Variants in RFC3 observed in about 807,000 individuals in gnomAD.
RFC3 encodes the protein replication factor C subunit 3.
A neutral mutation model predicts 45.1 loss-of-function variants in RFC3; 41 were observed. The ratio of observed to expected loss-of-function variants is 0.91; its 90% CI spans 0.71 to 1.18. The LOEUF is 1.18. Ranked by LOEUF, RFC3 falls within the 50% of genes most tolerant of loss-of-function variation. The probability of loss-of-function intolerance (pLI) is 0.00; values close to 1 mark genes in which losing one functional copy is unlikely to be tolerated. For synonymous variants in RFC3, 149 were observed against 144.0 expected (o/e 1.03, Z -0.25); for missense variants, 423 against 428.1 (o/e 0.99, Z 0.10).
intron 8 of RFC3, among the ~76,000 whole-genome samples, chr13:33,868,702 C>T (rs1197489803): frequency 1.3e-5 from 2 of 152,218 alleles, no homozygotes; most frequent in Non-Finnish European, 2.9e-5. Flanking sequence ...CTTGCTGGAG[C>T]CTGCTCCCAC....
At chr13:33,947,021 A>T (rs1016768609) in intron 8 of RFC3, among the ~76,000 whole-genome samples, 1 of 152,240 alleles carries the variant, frequency 6.6e-6, no homozygotes, top group African/African-American at 2.4e-5. Flanking sequence ...TGTTCATTTT[A>T]TGATGTCTTA....
intron 8 of RFC3, among the ~76,000 whole-genome samples, chr13:33,916,362 A>G (rs1011024001): frequency 2.0e-5 from 3 of 152,292 alleles, no homozygotes; most frequent in African/African-American, 7.2e-5. Flanking sequence ...AAAGAAAGCA[A>G]TGGTCCTTTT....
chr13:33,928,155 A>G (rs1201321414), intron 8 of RFC3, among the ~76,000 whole-genome samples: 1 of 152,102 alleles, frequency 6.6e-6, no homozygotes, highest in Non-Finnish European at 1.5e-5. Context: ...CAGTGTCAGG[A>G]TCGTGGGCTT....
intron 8 of RFC3, among the ~76,000 whole-genome samples, chr13:33,958,792 G>A (rs756139651): frequency 1.3e-5 from 2 of 152,088 alleles, no homozygotes; most frequent in Non-Finnish European, 2.9e-5. Flanking sequence ...GAGCATCCTG[G>A]CTGCCCTCTG....
intron 8 of RFC3, among the ~76,000 whole-genome samples, chr13:33,886,737 A>G (rs1273708917): frequency 7.0e-6 from 1 of 143,776 alleles, no homozygotes. Flanking sequence ...GCACCCATTA[A>G]CTCATCATTT....
chr13:33,865,286 G>A (rs1269359032), intron 8 of RFC3, among the ~76,000 whole-genome samples: 5 of 152,108 alleles, frequency 3.3e-5, no homozygotes. Flanking sequence ...GGAAAGTAAG[G>A]GGAATTTGTT....
intron 8 of RFC3, among the ~76,000 whole-genome samples, chr13:33,852,065 ACTAT>A (rs1244714971): frequency 1.3e-5 from 2 of 152,230 alleles, no homozygotes; most frequent in African/African-American, 4.8e-5. Context: ...AGAGTATTGC[ACTAT>A]CTGAATTGCA....
chr13:33,959,703 C>T (rs868235014), intron 8 of RFC3, among the ~76,000 whole-genome samples: 17 of 152,162 alleles, frequency 1.1e-4, no homozygotes, highest in African/African-American at 4.1e-4. Flanking sequence ...TAATGACCCA[C>T]CCTGCCCCTT....
At chr13:33,970,026 C>G (rs1365024545), downstream of RFC3, among the ~76,000 whole-genome samples, 1 of 151,916 alleles carries the variant, frequency 6.6e-6, no homozygotes, top group Admixed American at 6.6e-5. Context: ...CAGATCACCC[C>G]ATAACCTAGG....
intron 1 of RFC3, among the ~76,000 whole-genome samples, chr13:33,819,921 A>C (rs1438877029): frequency 1.3e-5 from 2 of 152,242 alleles, no homozygotes; most frequent in African/African-American, 4.8e-5. Flanking sequence ...TCTGTGGGAC[A>C]CTTGCCATTT....
intron 8 of RFC3, among the ~76,000 whole-genome samples, chr13:33,897,223 T>TA (rs1182405003): frequency 6.6e-6 from 1 of 151,998 alleles, no homozygotes; most frequent in East Asian, 1.9e-4. Flanking sequence ...ATAGACAATA[T>TA]AAAAATATGT....
intron 1 of RFC3, among the ~76,000 whole-genome samples, chr13:33,818,759 C>T (rs2081972483): frequency 1.3e-5 from 2 of 152,008 alleles, no homozygotes; most frequent in South Asian, 4.1e-4. Context: ...GATTTACTTT[C>T]TAGCTGGCTT....
At chr13:33,830,933 C>T in intron 6 of RFC3, 78 bp downstream of exon 6, 3 of 1,262,012 alleles carry the variant, frequency 2.4e-6, no homozygotes, top group Non-Finnish European at 3.3e-6. Context: ...TTGTGGAAGA[C>T]AATTTTTCCA....
Position 33,836,206 on chromosome 13 carries a change from GC to G in RFC3, c.984del (p.Ile329PhefsTer26). On this transcript the variant is annotated frameshift_variant, in exon 9 of 9. Coordinates refer to ENST00000380071, the MANE Select transcript of RFC3 (RefSeq NM_002915.4). LOFTEE classifies it high-confidence loss of function. ...GCATCGTCTACAGCTGGGTAGCAAA[GC>G]CATTTATCACTTGGAAGCGTTTGTG... ...YEHRLQLGSK[A>X]IYHLEAFVAK... 1 of 1,613,550 alleles carries G rather than the reference GC, an allele frequency of 6.2e-7. No individual in the cohort carries two copies. Among genetic ancestry groups the G allele is most frequent in the Non-Finnish European group, 8.5e-7 (1 of 1,179,592 alleles).
At chr13:33,955,588 G>C (rs1339721528) in intron 8 of RFC3, among the ~76,000 whole-genome samples, 1 of 152,090 alleles carries the variant, frequency 6.6e-6, no homozygotes, top group African/African-American at 2.4e-5. Context: ...CAAAAACACT[G>C]ATTTTGCTCA....
Position 33,902,669 on chromosome 13 carries a change from C to T in RFC3, c.880-63418C>T, listed in dbSNP as rs114549138. ...TTACTCTTCTTAATTGCTGTTGACACTCTTCCCCGTCCAAGCCAACATTAT... is the reference window on the plus strand; with the variant it reads ...TTACTCTTCTTAATTGCTGTTGACATTCTTCCCCGTCCAAGCCAACATTAT... On this transcript the variant is annotated intron_variant, in intron 8 of 8. Transcript: ENST00000434425. 1.7e-3 allele frequency among the ~76,000 whole-genome samples: 253 copies of T among 152,188 alleles called. 1 individual carries two copies. The highest frequency in any genetic ancestry group is 5.9e-3 in the African/African-American group (244 of 41,560).
chr13:33,881,880 C>A (rs540315518), intron 8 of RFC3, among the ~76,000 whole-genome samples: 1 of 152,180 alleles, frequency 6.6e-6, no homozygotes, highest in African/African-American at 2.4e-5. Flanking sequence ...TCAAGCTAAA[C>A]GCATGGCTAA....
chr13:33,832,768 A>G (rs769583015), intron 7 of RFC3, among the ~76,000 whole-genome samples: 7 of 152,208 alleles, frequency 4.6e-5, no homozygotes, highest in Non-Finnish European at 1.0e-4. Context: ...TACTTTTATA[A>G]AATATTTCTA....
At chr13:33,910,469 A>G (rs2082697268) in intron 8 of RFC3, among the ~76,000 whole-genome samples, 1 of 152,122 alleles carries the variant, frequency 6.6e-6, no homozygotes, top group Non-Finnish European at 1.5e-5. Context: ...TCAGAGATTT[A>G]TGGAAGTAAA....
Sources: allele counts gnomAD v4.1 joint callset (sites outside exome capture counted in the v4.1 genomes callset), GRCh38; gene constraint gnomAD v4.1.1; transcripts MANE v1.5; gene names NCBI Gene and HGNC (gene_info 2026-07-23, HGNC 2026-07-21).